PLCL2: variants seen among roughly 807,000 people sequenced by gnomAD.
PLCL2 encodes the protein inactive phospholipase C-like protein 2.
PLCL2 carries 4 observed loss-of-function variants against 79.6 expected under a neutral mutation model. That is an observed-to-expected ratio of 0.05 (90% CI 0.02 to 0.11). The LOEUF (loss-of-function observed/expected upper bound fraction) is 0.11, where lower values mean the gene tolerates loss of function less well. Ranked by LOEUF, PLCL2 falls within the 10% of genes least tolerant of loss-of-function variation. The pLI, the probability that PLCL2 is intolerant of heterozygous loss-of-function variation, is 1.00. For synonymous variants in PLCL2, 484 were observed against 457.7 expected, an observed-to-expected ratio of 1.06 and a Z score of -0.73; for missense variants, 895 against 1,291.0, an observed-to-expected ratio of 0.69 and a Z score of 4.70.
intron 3 of PLCL2, among the ~76,000 whole-genome samples, chr3:17,026,318 C>G (rs1387003671): frequency 1.3e-5 from 2 of 152,142 alleles, no homozygotes; most frequent in African/African-American, 4.8e-5. Flanking sequence ...TAGCTGAAAA[C>G]TAACATGTTA....
chr3:16,996,244 A>G (rs1559512141), intron 1 of PLCL2, among the ~76,000 whole-genome samples: 2 of 152,058 alleles, frequency 1.3e-5, no homozygotes, highest in Admixed American at 1.3e-4. Flanking sequence ...TTGTTGCAGG[A>G]ATGGTTATAG....
chr3:16,896,875 A>G (rs929293893), intron 1 of PLCL2, among the ~76,000 whole-genome samples: 2 of 152,218 alleles, frequency 1.3e-5, no homozygotes, highest in African/African-American at 4.8e-5. Context: ...AAAACATACT[A>G]ATGTGAAGAC....
intron 4 of PLCL2, among the ~76,000 whole-genome samples, chr3:17,065,231 A>G (rs2064997693): frequency 6.6e-6 from 1 of 152,120 alleles, no homozygotes; most frequent in South Asian, 2.1e-4. Context: ...CTTGTAAAAT[A>G]TGAGCTTTTT....
chr3:17,009,888 C>G lies in PLCL2; in HGVS notation c.542C>G (p.Ser181Cys). 1.2e-6 allele frequency: 2 copies of G among 1,612,856 alleles called. No individual in the cohort carries two copies. Among genetic ancestry groups the G allele is most frequent in the South Asian group, 2.2e-5 (2 of 91,072 alleles). The change falls in exon 2 of 6, where the codon TCT (serine) becomes TGT (cysteine). Residue 181 changes from serine (S) to cysteine (C), a missense_variant. Ser to Cys is a moderately radical substitution (Grantham distance 112, BLOSUM62 -1). Coordinates refer to ENST00000615277, the MANE Select transcript of PLCL2 (RefSeq NM_001144382.2). This position sits in a 1 kb window ranked among gnomAD's most constrained non-coding sequence, Gnocchi z 4.0. Reference protein sequence around the residue: ...SLRWEPSKKDSEKAKIDIKSI... With the variant: ...SLRWEPSKKDCEKAKIDIKSI... ...AGGTGGGAGCCATCTAAGAAGGATT[C>G]TGAGAAAGCCAAGATTGACATTAAA...
chr3:16,946,212 A>T (rs933640934), intron 1 of PLCL2, among the ~76,000 whole-genome samples: 18 of 152,164 alleles, frequency 1.2e-4, no homozygotes, highest in African/African-American at 4.3e-4. Context: ...TGGTTTAAAT[A>T]GCGGGAAATG....
chr3:17,024,591 T>G (rs965296336), intron 3 of PLCL2, among the ~76,000 whole-genome samples: 3 of 152,218 alleles, frequency 2.0e-5, no homozygotes, highest in African/African-American at 7.2e-5. Context: ...TTGTGGAAAT[T>G]CAAACAGAAA....
chr3:16,974,860 G>T (rs558209646), intron 1 of PLCL2, among the ~76,000 whole-genome samples: 4 of 152,166 alleles, frequency 2.6e-5, no homozygotes, highest in Non-Finnish European at 5.9e-5. Context: ...ATGAGTATTG[G>T]GTTGTCTTGA....
At chr3:17,040,994 A>G (rs555685878) in intron 3 of PLCL2, among the ~76,000 whole-genome samples, 49 of 152,216 alleles carry the variant, frequency 3.2e-4, no homozygotes, top group African/African-American at 1.1e-3. Flanking sequence ...GAGCTGTAAC[A>G]ATCACCATCC....
intron 1 of PLCL2, among the ~76,000 whole-genome samples, chr3:16,905,392 C>A (rs1033606339): frequency 6.6e-6 from 1 of 152,198 alleles, no homozygotes; most frequent in Non-Finnish European, 1.5e-5. Flanking sequence ...ACACCAGGCT[C>A]CAGTTTCAAC....
At chr3:17,015,436 G>A (rs1336392029) in intron 3 of PLCL2, among the ~76,000 whole-genome samples, 1 of 152,058 alleles carries the variant, frequency 6.6e-6, no homozygotes, top group African/African-American at 2.4e-5. Context: ...GGTATCCTCA[G>A]GACACCTAGA....
At chr3:17,066,943 G>A (rs1435111812) in intron 4 of PLCL2, among the ~76,000 whole-genome samples, 1 of 152,032 alleles carries the variant, frequency 6.6e-6, no homozygotes, top group Non-Finnish European at 1.5e-5. Context: ...CCATAAAGGA[G>A]GCAAGACTTA....
At chr3:17,013,611 A>T (rs1044904261) in intron 2 of PLCL2, among the ~76,000 whole-genome samples, 3 of 152,236 alleles carry the variant, frequency 2.0e-5, no homozygotes, top group African/African-American at 7.2e-5. Flanking sequence ...TTAAAGCAAT[A>T]TTAATAAAAA....
At position 17,011,026 on chromosome 3, in the gene PLCL2, C is replaced by G; in HGVS notation, c.1680C>G (p.Val560=). The stretch of plus-strand genomic sequence containing the variant: ...AATCTTATCTACCATCCCCAGATGT[C>G]CTGAAAGGGAAAATACTAATTAAAG... The part of the protein sequence containing the change: ...VEESYLPSPD[V]LKGKILIKAK... Residue 560 remains valine (V), a synonymous_variant, in exon 2 of 6, where the codon GTC becomes GTG. Transcript: ENST00000615277. This position sits in a 1 kb window ranked among gnomAD's most constrained non-coding sequence, Gnocchi z 7.9. 6.2e-7 allele frequency: 1 copy of G among 1,613,954 alleles called. No homozygotes were observed. The highest frequency in any genetic ancestry group is 8.5e-7 in the Non-Finnish European group (1 of 1,179,988).
chr3:17,081,010 G>A (rs560081145), intron 5 of PLCL2, among the ~76,000 whole-genome samples: 2 of 152,322 alleles, frequency 1.3e-5, no homozygotes, highest in Admixed American at 1.3e-4. Flanking sequence ...AGAGAAAGGT[G>A]TGTGTGTTTC....
At chr3:17,012,976 A>G (rs1458840639) in intron 2 of PLCL2, among the ~76,000 whole-genome samples, 1 of 152,256 alleles carries the variant, frequency 6.6e-6, no homozygotes, top group Non-Finnish European at 1.5e-5. Context: ...AATGATGCCA[A>G]CAAATAAAAT....
intron 1 of PLCL2, among the ~76,000 whole-genome samples, chr3:16,996,718 G>A (rs924741829): frequency 4.0e-5 from 6 of 151,862 alleles, no homozygotes; most frequent in African/African-American, 1.5e-4. Context: ...AAAAAGTTTT[G>A]TTAACAGATT....
At chr3:16,891,772 A>T (rs1287917649) in intron 1 of PLCL2, among the ~76,000 whole-genome samples, 1 of 152,164 alleles carries the variant, frequency 6.6e-6, no homozygotes, top group African/African-American at 2.4e-5. Context: ...TCTTCTTTTC[A>T]CAAACTGCCT....
chr3:17,080,694 G>A (rs942289905), intron 5 of PLCL2, among the ~76,000 whole-genome samples: 10 of 152,208 alleles, frequency 6.6e-5, no homozygotes, highest in East Asian at 1.9e-4. Flanking sequence ...CAGGTGATCC[G>A]CCCACCTCGG....
chr3:16,982,470 G>T (rs144325077), intron 1 of PLCL2, among the ~76,000 whole-genome samples: 1 of 152,268 alleles, frequency 6.6e-6, no homozygotes, highest in African/African-American at 2.4e-5. Context: ...ATCAAATCCC[G>T]TTAATACAGC....
Sources: allele counts gnomAD v4.1 joint callset (sites outside exome capture counted in the v4.1 genomes callset), GRCh38; gene constraint gnomAD v4.1.1; non-coding constraint Gnocchi (gnomAD v3.1); transcripts MANE v1.5; gene names NCBI Gene and HGNC (gene_info 2026-07-23, HGNC 2026-07-21).